Variants in ADAMTS3 observed in about 807,000 individuals in gnomAD.
ADAMTS3 encodes the protein A disintegrin and metalloproteinase with thrombospondin motifs 3.
In ADAMTS3, 73 loss-of-function variants were observed where a neutral mutation model predicts 129.0. The observed-to-expected ratio is 0.57, with a 90% CI of 0.47 to 0.69. The LOEUF is 0.69. Ranked by LOEUF, ADAMTS3 falls within the 30% of genes least tolerant of loss-of-function variation. The pLI is 0.00. For synonymous variants in ADAMTS3, 477 were observed against 510.8 expected (o/e 0.93, Z 0.89); for missense variants, 1,457 against 1,514.5 (o/e 0.96, Z 0.63).
At chr4:72,292,381 C>T (rs1718696302) in intron 19 of ADAMTS3, among the ~76,000 whole-genome samples, 1 of 152,206 alleles carries the variant, frequency 6.6e-6, no homozygotes, top group South Asian at 2.1e-4. Flanking sequence ...GGCTACTTGA[C>T]ATATCTATAC....
intron 3 of ADAMTS3, 78 bp from the exon 4 acceptor site, chr4:72,415,049 G>T (rs936913045): frequency 3.8e-5 from 42 of 1,097,732 alleles, no homozygotes; most frequent in Non-Finnish European, 4.7e-5. Flanking sequence ...CTTTTTAAAT[G>T]TCAAGAATAT....
chr4:72,503,595 T>G (rs1344105778), intron 3 of ADAMTS3, among the ~76,000 whole-genome samples: 1 of 152,192 alleles, frequency 6.6e-6, no homozygotes, highest in African/African-American at 2.4e-5. Flanking sequence ...GGTAAAGTAT[T>G]CAGTAGATGT....
chr4:72,456,118 A>AC (rs1718590014), intron 3 of ADAMTS3, among the ~76,000 whole-genome samples: 1 of 53,308 alleles, frequency 1.9e-5, no homozygotes, highest in African/African-American at 6.9e-5. Context: ...TACTATATAT[A>AC]TTTTATATAT....
chr4:72,539,079 A>G (rs185008782), intron 3 of ADAMTS3, among the ~76,000 whole-genome samples: 1 of 152,234 alleles, frequency 6.6e-6, no homozygotes, highest in East Asian at 1.9e-4. Flanking sequence ...AAATATATAT[A>G]TAGGGCAAAA....
intron 4 of ADAMTS3, among the ~76,000 whole-genome samples, chr4:72,386,329 C>T (rs925164286): frequency 1.3e-5 from 2 of 152,066 alleles, no homozygotes; most frequent in Admixed American, 6.6e-5. Flanking sequence ...TATATATACA[C>T]TCTTATTTTT....
intron 3 of ADAMTS3, among the ~76,000 whole-genome samples, chr4:72,490,721 G>A (rs188241176): frequency 3.3e-5 from 5 of 151,892 alleles, no homozygotes; most frequent in African/African-American, 7.2e-5. Context: ...AGTACCATAC[G>A]TTTTAATTAG....
intron 9 of ADAMTS3, 120 bp downstream of exon 9, chr4:72,319,212 A>C: frequency 2.5e-6 from 3 of 1,218,346 alleles, no homozygotes; most frequent in African/African-American, 3.1e-5. Context: ...TCATAAGAAA[A>C]TGTTTATCAG....
intron 3 of ADAMTS3, among the ~76,000 whole-genome samples, chr4:72,434,664 G>A (rs769274557): frequency 6.6e-6 from 1 of 151,792 alleles, no homozygotes; most frequent in Non-Finnish European, 1.5e-5. Context: ...GGTTACATAT[G>A]TGGCAAAGGA....
intron 4 of ADAMTS3, among the ~76,000 whole-genome samples, chr4:72,366,344 C>T (rs1038065919): frequency 1.3e-5 from 2 of 152,154 alleles, no homozygotes; most frequent in African/African-American, 2.4e-5. Context: ...TCGCTATTCA[C>T]TATTGTATTA....
rs1719171397 is a variant in ADAMTS3, at chr4:72,309,415, T to C, written c.2161A>G (p.Arg721Gly). ...HCRTVKGTFT[R>G]TPRKLGYLKM... ...ATCTTACCAAGCTTCCTGGGAGTTC[T>C]GGTAAATGTCCCCTTCACGGTTCGG... The change falls in exon 15 of 22, where the codon AGA (arginine) becomes GGA (glycine). Residue 721 changes from arginine to glycine, a missense_variant. By Grantham distance (125) the Arg-to-Gly change is moderately radical (BLOSUM62 -2). Transcript: ENST00000286657. 1 of 1,611,806 alleles carries C rather than the reference T, an allele frequency of 6.2e-7. No individual in the cohort carries two copies. The highest frequency in any genetic ancestry group is 8.5e-7 in the Non-Finnish European group (1 of 1,178,462).
At chr4:72,515,628 T>C (rs1025257180) in intron 3 of ADAMTS3, among the ~76,000 whole-genome samples, 4 of 151,832 alleles carry the variant, frequency 2.6e-5, no homozygotes, top group Non-Finnish European at 4.4e-5. Context: ...GCTGCATAAA[T>C]GTCTTCTTTT....
At chr4:72,465,531 G>C (rs967058611) in intron 3 of ADAMTS3, among the ~76,000 whole-genome samples, 1 of 152,008 alleles carries the variant, frequency 6.6e-6, no homozygotes, top group African/African-American at 2.4e-5. Flanking sequence ...TGTCCACTCT[G>C]ACTGTACTCA....
chr4:72,471,813 C>T (rs112196732), intron 3 of ADAMTS3, among the ~76,000 whole-genome samples: 3 of 152,000 alleles, frequency 2.0e-5, no homozygotes, highest in African/African-American at 7.2e-5. Context: ...TTTTGTTCAT[C>T]TCTGATTTTC....
intron 7 of ADAMTS3, 151 bp downstream of exon 7, chr4:72,320,563 A>C (rs1325491572): frequency 1.1e-5 from 8 of 751,496 alleles, no homozygotes; most frequent in Non-Finnish European, 1.7e-5. Flanking sequence ...CACATAAGTC[A>C]CTGTAAGCAA....
intron 14 of ADAMTS3, 58 bp from the exon 15 acceptor site, chr4:72,309,578 T>A: frequency 6.3e-7 from 1 of 1,579,538 alleles, no homozygotes; most frequent in Non-Finnish European, 8.6e-7. Flanking sequence ...GTGGTCAACA[T>A]CCCAGAGAAT....
chr4:72,559,397 T>G (rs1721846122), intron 2 of ADAMTS3, among the ~76,000 whole-genome samples: 2 of 151,788 alleles, frequency 1.3e-5, no homozygotes, highest in South Asian at 2.1e-4. Flanking sequence ...CTTTCTCAAC[T>G]CCCTCTCTCT....
chr4:72,478,647 C>G (rs1719318922), intron 3 of ADAMTS3, among the ~76,000 whole-genome samples: 1 of 149,256 alleles, frequency 6.7e-6, no homozygotes, highest in Non-Finnish European at 1.5e-5. Flanking sequence ...CAGGGATGCC[C>G]TCTCTCACCA....
intron 4 of ADAMTS3, among the ~76,000 whole-genome samples, chr4:72,364,657 T>C (rs554959699): frequency 6.6e-6 from 1 of 151,676 alleles, no homozygotes; most frequent in East Asian, 1.9e-4. Context: ...AGAAAACAAA[T>C]GAAAAAAACA....
At chr4:72,325,917 T>C (rs548102018) in intron 5 of ADAMTS3, among the ~76,000 whole-genome samples, 1 of 152,304 alleles carries the variant, frequency 6.6e-6, no homozygotes, top group East Asian at 1.9e-4. Context: ...TTGTACTTAG[T>C]GAATTATAAA....
Sources: gnomAD v4.1 joint callset for allele counts (sites outside exome capture counted in the v4.1 genomes callset) on GRCh38, gnomAD v4.1.1 for gene constraint, MANE v1.5 for transcripts, NCBI Gene and HGNC (gene_info 2026-07-23, HGNC 2026-07-21) for gene names.